The following PITPNM3 variants were observed in gnomAD, a reference collection of about 807,000 sequenced individuals.
The protein encoded by PITPNM3 is membrane-associated phosphatidylinositol transfer protein 3.
In PITPNM3, 26 loss-of-function variants were observed where a neutral mutation model predicts 102.0. The observed-to-expected ratio is 0.25, with a 90% CI of 0.19 to 0.35. The LOEUF is 0.35. Ranked by LOEUF, PITPNM3 falls within the 10% of genes least tolerant of loss-of-function variation. The probability of loss-of-function intolerance (pLI) is 1.00; values close to 1 mark genes in which losing one functional copy is unlikely to be tolerated. For synonymous variants in PITPNM3, 578 were observed against 558.6 expected (o/e 1.03, Z -0.49); for missense variants, 1,083 against 1,346.1 (o/e 0.80, Z 3.06).
At position 6,478,816 on chromosome 17, in the gene PITPNM3, G is replaced by C; in HGVS notation, c.588-80C>G. ...TTGGGGCTGAGGATCAGGCAGAAGA[G>C]AGCACATACTGGCCAGGAATTGGGC... On this transcript the variant is annotated intron_variant, in intron 6 of 19. Transcript: ENST00000262483. This position sits in a 1 kb window ranked among gnomAD's most constrained non-coding sequence, Gnocchi z 4.4. 1.4e-6 allele frequency: 2 copies of C among 1,393,480 alleles called. No individual in the cohort carries two copies. Among genetic ancestry groups the C allele is most frequent in the South Asian group, 1.4e-5 (1 of 72,958 alleles). 86.3% of individuals were successfully genotyped at this position (1,393,480 alleles called of 1,614,324 possible). A position where few individuals can be genotyped will look rare whatever the true frequency, so the allele number is the denominator to read the frequency against.
chr17:6,519,890 C>A (rs1908414256), intron 3 of PITPNM3, among the ~76,000 whole-genome samples: 1 of 151,824 alleles, frequency 6.6e-6, no homozygotes, highest in African/African-American at 2.4e-5. Context: ...CTAGAAAAAA[C>A]CCAAGAGAAT....
At chr17:6,542,994 G>A (rs1909810444) in intron 1 of PITPNM3, among the ~76,000 whole-genome samples, 1 of 152,200 alleles carries the variant, frequency 6.6e-6, no homozygotes, top group African/African-American at 2.4e-5. Flanking sequence ...CCAAAGTGCT[G>A]GGATTACAGG....
At chr17:6,551,185 G>A (rs533643471) in intron 1 of PITPNM3, among the ~76,000 whole-genome samples, 1 of 152,124 alleles carries the variant, frequency 6.6e-6, no homozygotes, top group East Asian at 1.9e-4. Flanking sequence ...GTGAAACCCC[G>A]TGTCTACTAA....
rs1395159368 is a variant in PITPNM3 at position 6,537,640 on chromosome 17, T to G, written c.118+347A>C. On this transcript the variant is annotated intron_variant, in intron 2 of 19. Coordinates refer to ENST00000262483, the MANE Select transcript of PITPNM3 (RefSeq NM_031220.4). The surrounding 1 kb of genome is among the most constrained non-coding windows in gnomAD (Gnocchi z 4.4). ...TTTTACTTAGCAGCGGCACTTTTAC[T>G]TAGTGGCGATGGTCCCCATTCGTCA... Among the ~76,000 whole-genome samples the G allele has an allele frequency of 6.6e-6, 1 of 152,210 alleles. No homozygotes were observed. The highest frequency in any genetic ancestry group is 1.5e-5 in the Non-Finnish European group (1 of 68,042).
chr17:6,505,218 A>AT (rs1555556418), intron 3 of PITPNM3, among the ~76,000 whole-genome samples: 1 of 145,920 alleles, frequency 6.9e-6, no homozygotes, highest in African/African-American at 2.6e-5. Context: ...ATATATATGT[A>AT]AAGCCTTCAG....
In PITPNM3 at chr17:6,556,074, G is replaced by A. The variant is rs915962242; in HGVS notation, c.22+311C>T. On this transcript the variant is annotated intron_variant, in intron 1 of 19. Coordinates refer to ENST00000262483, the MANE Select transcript of PITPNM3 (RefSeq NM_031220.4). The surrounding 1 kb of genome is among the most constrained non-coding windows in gnomAD (Gnocchi z 5.2). ...GGTGGCGAAGCCCGGGTCTGCCCGG[G>A]GCCTCCGCGGGGTGCAGAGGGCTCC... 2.0e-5 allele frequency among the ~76,000 whole-genome samples: 3 copies of A among 152,120 alleles called. No individual in the cohort carries two copies. Among genetic ancestry groups the A allele is most frequent in the Non-Finnish European group, 4.4e-5 (3 of 67,980 alleles).
chr17:6,464,203 C>G lies in PITPNM3; in HGVS notation c.2123G>C (p.Gly708Ala). Residue 708 changes from glycine (G) to alanine (A), a missense_variant, in exon 16 of 20, where the codon GGG becomes GCG. Physicochemically the swap from Gly to Ala is moderately conservative, Grantham distance 60 (BLOSUM62 0). Coordinates refer to ENST00000262483, the MANE Select transcript of PITPNM3 (RefSeq NM_031220.4). ...TYNVPRPRRLGVGVYPVKMVV... is the reference protein window; with the variant it reads ...TYNVPRPRRLAVGVYPVKMVV... ...CATCTTCACAGGATAGACACCAACCCCCAGGCGCCGGGGCCGCGGCACATT... is the reference window on the plus strand; with the variant it reads ...CATCTTCACAGGATAGACACCAACCGCCAGGCGCCGGGGCCGCGGCACATT... 6.2e-7 allele frequency: 1 copy of G among 1,614,208 alleles called. No individual in the cohort carries two copies.
At chr17:6,535,394 C>T (rs892172162) in intron 2 of PITPNM3, among the ~76,000 whole-genome samples, 4 of 152,136 alleles carry the variant, frequency 2.6e-5, no homozygotes, top group African/African-American at 9.7e-5. Context: ...AGGAAACACA[C>T]AAAGGCCTTG....
rs1171268376 is a variant in PITPNM3, at chr17:6,455,080, C to G, written c.*258G>C. ...CCCCCAGGATGACACAAACATGAAC[C>G]CTGACTTGGGCTTGCGGTCGCAGGC... is the stretch of plus-strand genomic sequence containing the variant. On this transcript the variant is annotated 3_prime_UTR_variant, in exon 20 of 20. Transcript: ENST00000262483. 2 of 534,934 alleles carry G rather than the reference C, an allele frequency of 3.7e-6. No homozygotes were observed. Among genetic ancestry groups the G allele is most frequent in the Non-Finnish European group, 6.5e-6 (2 of 309,892 alleles). 33.1% of individuals were successfully genotyped at this position (534,934 alleles called of 1,614,324 possible). A position where few individuals can be genotyped will look rare whatever the true frequency, so the allele number is the denominator to read the frequency against.
intron 2 of PITPNM3, among the ~76,000 whole-genome samples, chr17:6,535,640 C>T (rs980589754): frequency 2.0e-5 from 3 of 151,920 alleles, no homozygotes; most frequent in Admixed American, 1.3e-4. Context: ...AGGAAGTGGC[C>T]GGGTGCGGTG....
intron 6 of PITPNM3, 90 bp downstream of exon 6, chr17:6,483,427 C>A (rs4796503): frequency 7.8e-7 from 1 of 1,288,824 alleles, no homozygotes; most frequent in Non-Finnish European, 1.1e-6. Context: ...AGGTACCCAC[C>A]TGCCCACGGG....
intron 2 of PITPNM3, 146 bp from the exon 3 acceptor site, chr17:6,525,609 T>C: frequency 1.4e-6 from 1 of 713,398 alleles, no homozygotes; most frequent in South Asian, 1.5e-5. Flanking sequence ...TGTCTGTAGC[T>C]AGACAGTTAC....
Position 6,468,958 on chromosome 17 carries a change from T to G in PITPNM3, c.1774-617A>C, listed in dbSNP as rs1904921570. On this transcript the variant is annotated intron_variant, in intron 13 of 19. Coordinates refer to ENST00000262483, the MANE Select transcript of PITPNM3 (RefSeq NM_031220.4). This position sits in a 1 kb window ranked among gnomAD's most constrained non-coding sequence, Gnocchi z 5.2. ...CCACCCACTCCAGTCAGGGTTCTTC[T>G]CCATCACTCCTCTACGGAAGCCATT... Among the ~76,000 whole-genome samples, 1 of 151,892 alleles carries G rather than the reference T, an allele frequency of 6.6e-6. No homozygotes were observed. The highest frequency in any genetic ancestry group is 2.1e-4 in the South Asian group (1 of 4,812).
Position 6,529,386 on chromosome 17 carries a change from A to G in PITPNM3, c.119-3923T>C, listed in dbSNP as rs139806264. Among the ~76,000 whole-genome samples the G allele has an allele frequency of 7.1e-3, 1,084 of 152,236 alleles. 13 individuals carry two copies. Among genetic ancestry groups the G allele is most frequent in the Non-Finnish European group, 9.0e-3 (611 of 68,004 alleles). ...GAGGCGGGCAAATCACAAGGGCAGG[A>G]GTTCGAGACCAACCTGACCAACATG... On this transcript the variant is annotated intron_variant, in intron 2 of 19. Coordinates refer to ENST00000262483, the MANE Select transcript of PITPNM3 (RefSeq NM_031220.4).
chr17:6,477,961 T>TC lies in PITPNM3; in HGVS notation c.900+13dup, dbSNP rs575576295. The TC allele has an allele frequency of 6.2e-7, 1 of 1,611,504 alleles. No individual in the cohort carries two copies. The highest frequency in any genetic ancestry group is 1.7e-5 in the Admixed American group (1 of 60,020). ...TGGGCATACCCCTCCCGCGGTCCTG[T>TC]CCCCCGGCTGTACCTGGGTGCTGCT... On this transcript the variant is annotated intron_variant, in intron 8 of 19. Transcript: ENST00000262483.
chr17:6,488,809 C>G (rs61540023), intron 4 of PITPNM3, among the ~76,000 whole-genome samples: 3,074 of 152,276 alleles, frequency 0.02, 101 homozygotes, highest in East Asian at 0.16. Context: ...AGGACCTCAT[C>G]ATTAGGCTGC....
intron 2 of PITPNM3, among the ~76,000 whole-genome samples, chr17:6,535,157 T>G (rs1214125726): frequency 6.6e-6 from 1 of 151,828 alleles, no homozygotes; most frequent in Non-Finnish European, 1.5e-5. Flanking sequence ...GGCCACAGGA[T>G]GCCAGGCCAT....
intron 3 of PITPNM3, among the ~76,000 whole-genome samples, chr17:6,519,702 C>T (rs1202652544): frequency 1.3e-5 from 2 of 151,626 alleles, no homozygotes; most frequent in Non-Finnish European, 2.9e-5. Context: ...TGGTGGCGGG[C>T]GCCTGTAATC....
intron 3 of PITPNM3, among the ~76,000 whole-genome samples, chr17:6,518,077 C>T (rs1041382669): frequency 7.2e-5 from 11 of 152,130 alleles, no homozygotes; most frequent in Admixed American, 4.6e-4. Context: ...AACATTCACA[C>T]ACCCACACTA....
Sources: allele counts gnomAD v4.1 joint callset (sites outside exome capture counted in the v4.1 genomes callset), GRCh38; gene constraint gnomAD v4.1.1; non-coding constraint Gnocchi (gnomAD v3.1); transcripts MANE v1.5; gene names NCBI Gene and HGNC (gene_info 2026-07-23, HGNC 2026-07-21).